Variants in SMARCC1 observed in about 807,000 individuals in gnomAD.
SMARCC1 encodes SWI/SNF complex subunit SMARCC1.
In SMARCC1, 43 loss-of-function variants were observed where a neutral mutation model predicts 147.4. The ratio of observed to expected loss-of-function variants is 0.29; its 90% CI spans 0.23 to 0.38. The LOEUF (loss-of-function observed/expected upper bound fraction) is 0.38. Ranked by LOEUF, SMARCC1 falls within the 10% of genes least tolerant of loss-of-function variation. The pLI is 1.00. For synonymous variants in SMARCC1, 495 were observed against 484.4 expected (o/e 1.02, Z -0.29); for missense variants, 1,119 against 1,381.1 (o/e 0.81, Z 3.01).
At position 47,739,199 on chromosome 3, in the gene SMARCC1, G is replaced by A. The variant is rs868468809; in HGVS notation, c.402-1089C>T. On this transcript the variant is annotated intron_variant, in intron 3 of 27. Transcript: ENST00000254480. ...AGTCTTGAGCAATTTGTTAACCCAAGGATCCACTGCTTCATAAATATAACA... is the reference window on the plus strand; with the variant it reads ...AGTCTTGAGCAATTTGTTAACCCAAAGATCCACTGCTTCATAAATATAACA... 1.4e-4 allele frequency among the ~76,000 whole-genome samples: 21 copies of A among 152,320 alleles called. 1 individual carries two copies. Among genetic ancestry groups the A allele is most frequent in the South Asian group, 1.0e-3 (5 of 4,828 alleles).
At chr3:47,619,277 T>C (rs765094743) in intron 25 of SMARCC1, among the ~76,000 whole-genome samples, 1 of 152,226 alleles carries the variant, frequency 6.6e-6, no homozygotes. Context: ...TCCTTTCCAC[T>C]TTCCCAACTA....
At chr3:47,614,632 C>G (rs535646291) in intron 25 of SMARCC1, among the ~76,000 whole-genome samples, 8 of 152,322 alleles carry the variant, frequency 5.3e-5, no homozygotes, top group African/African-American at 1.9e-4. Context: ...TTCACCATTT[C>G]TCTTCACTTC....
intron 22 of SMARCC1, among the ~76,000 whole-genome samples, chr3:47,638,124 T>A (rs1403026594): frequency 6.6e-6 from 1 of 152,176 alleles, no homozygotes; most frequent in Non-Finnish European, 1.5e-5. Flanking sequence ...AGAGTCTCGC[T>A]CTGTCGCCCA....
In SMARCC1 at chr3:47,676,799, G is replaced by T; in HGVS notation, c.1572-17C>A. On this transcript the variant is annotated splice_polypyrimidine_tract_variant and intron_variant, in intron 16 of 27. Transcript: ENST00000254480. ...GCATGGACCCTAAAGAATAAAGCTC[G>T]GAAAGTTAAAATCTAAAGAATCAAC... The T allele has an allele frequency of 6.2e-7, 1 of 1,608,424 alleles. No homozygotes were observed.
chr3:47,745,607 G>C (rs1248320056), intron 3 of SMARCC1, among the ~76,000 whole-genome samples: 3 of 152,152 alleles, frequency 2.0e-5, no homozygotes, highest in Non-Finnish European at 2.9e-5. Context: ...CAGCTACTCA[G>C]GAGGCTGGGG....
At chr3:47,777,651 C>T (rs1350341231) in intron 1 of SMARCC1, among the ~76,000 whole-genome samples, 1 of 151,930 alleles carries the variant, frequency 6.6e-6, no homozygotes, top group Non-Finnish European at 1.5e-5. Flanking sequence ...CCTCAGTCTC[C>T]TGAGTAGCTG....
chr3:47,699,261 C>T (rs924692961), intron 11 of SMARCC1, among the ~76,000 whole-genome samples: 1 of 152,082 alleles, frequency 6.6e-6, no homozygotes, highest in Non-Finnish European at 1.5e-5. Flanking sequence ...AAATCAAATG[C>T]TAAATTTATA....
chr3:47,680,939 C>T (rs1200821540), intron 14 of SMARCC1, among the ~76,000 whole-genome samples: 2 of 152,164 alleles, frequency 1.3e-5, no homozygotes, highest in African/African-American at 4.8e-5. Flanking sequence ...AATTAATTGG[C>T]TTACACTAGT....
chr3:47,610,489 T>A, intron 25 of SMARCC1, 162 bp from the exon 26 acceptor site: 1 of 702,206 alleles, frequency 1.4e-6, no homozygotes, highest in Non-Finnish European at 2.5e-6. Context: ...AGGCATTATT[T>A]CTTGAGTAGC....
At chr3:47,716,372 C>T (rs1372106193) in intron 7 of SMARCC1, among the ~76,000 whole-genome samples, 1 of 142,482 alleles carries the variant, frequency 7.0e-6, no homozygotes, top group East Asian at 2.1e-4. Context: ...GAGCTTAGAT[C>T]GCACCACTGC....
chr3:47,706,450 A>G lies in SMARCC1; in HGVS notation c.999T>C (p.Pro333=). The change falls in exon 10 of 28, where the codon CCT becomes CCC. Residue 333 remains proline (P), a synonymous_variant. Coordinates refer to ENST00000254480, the MANE Select transcript of SMARCC1 (RefSeq NM_003074.4). ...RKRKHSPSPP[P]PTPTESRKKS... is the part of the protein sequence containing the mutation. ...TCTTCCGTGATTCTGTTGGTGTCGGAGGGGGAGGCGAAGGCGAATGTTTCC... is the reference window on the plus strand; with the variant it reads ...TCTTCCGTGATTCTGTTGGTGTCGGGGGGGGAGGCGAAGGCGAATGTTTCC... 1 of 1,578,850 alleles carries G rather than the reference A, an allele frequency of 6.3e-7. No individual in the cohort carries two copies. Among genetic ancestry groups the G allele is most frequent in the South Asian group, 1.2e-5 (1 of 84,878 alleles).
intron 26 of SMARCC1, among the ~76,000 whole-genome samples, chr3:47,599,698 C>T (rs528387027): frequency 2.0e-5 from 3 of 152,290 alleles, no homozygotes; most frequent in East Asian, 3.9e-4. Flanking sequence ...TCAGAGACGA[C>T]GTGATGCAAA....
intron 3 of SMARCC1, among the ~76,000 whole-genome samples, chr3:47,739,913 A>G (rs2034488828): frequency 6.6e-6 from 1 of 152,004 alleles, no homozygotes; most frequent in Admixed American, 6.6e-5. Context: ...GTCCCACTCT[A>G]TTGCCCAGGC....
intron 3 of SMARCC1, among the ~76,000 whole-genome samples, chr3:47,740,701 T>C (rs1476021352): frequency 1.3e-5 from 2 of 152,180 alleles, no homozygotes; most frequent in East Asian, 1.9e-4. Flanking sequence ...ACTATCTTGT[T>C]AGTGAGACAT....
At chr3:47,742,950 A>T (rs2106837295) in intron 3 of SMARCC1, among the ~76,000 whole-genome samples, 1 of 152,320 alleles carries the variant, frequency 6.6e-6, no homozygotes, top group Non-Finnish European at 1.5e-5. Flanking sequence ...ATTCCCATTC[A>T]ACCTCATATG....
chr3:47,778,220 A>G (rs947483215), intron 1 of SMARCC1, among the ~76,000 whole-genome samples: 1 of 151,542 alleles, frequency 6.6e-6, no homozygotes, highest in East Asian at 1.9e-4. Flanking sequence ...CAAAAAACAA[A>G]AAAAACACTG....
intron 2 of SMARCC1, among the ~76,000 whole-genome samples, chr3:47,765,175 C>T (rs1450740548): frequency 2.0e-5 from 3 of 151,188 alleles, no homozygotes; most frequent in Non-Finnish European, 4.4e-5. Context: ...CGCTTGAACT[C>T]GGGAGGCAGA....
At chr3:47,757,868 G>A (rs1272124097) in intron 2 of SMARCC1, among the ~76,000 whole-genome samples, 2 of 151,646 alleles carry the variant, frequency 1.3e-5, no homozygotes, top group Non-Finnish European at 2.9e-5. Context: ...TGGTAGAACT[G>A]CTGTGGAAAC....
intron 15 of SMARCC1, chr3:47,680,182 A>C (rs1431208589): frequency 2.8e-6 from 1 of 355,942 alleles, no homozygotes; most frequent in African/African-American, 2.2e-5. Context: ...AGATCATGAC[A>C]CTGCACAACA....
Sources: allele counts gnomAD v4.1 joint callset (sites outside exome capture counted in the v4.1 genomes callset), GRCh38; gene constraint gnomAD v4.1.1; transcripts MANE v1.5; gene names NCBI Gene and HGNC (gene_info 2026-07-23, HGNC 2026-07-21).